The following TAFA1 variants were observed in gnomAD, a reference collection of about 807,000 sequenced individuals.
TAFA1 encodes the protein TAFA chemokine like family member 1.
Under a neutral mutation model 18.5 loss-of-function variants are expected in TAFA1, and 4 were observed. The observed-to-expected ratio is 0.22, with a 90% CI of 0.11 to 0.49. The LOEUF (loss-of-function observed/expected upper bound fraction) is 0.49. Among genes scored for constraint, TAFA1 ranks in the 20% least tolerant of loss-of-function variants. TAFA1 has a pLI of 0.98. For missense variants in TAFA1, 147 were observed against 169.0 expected, an observed-to-expected ratio of 0.87 and a Z score of 0.72; for synonymous variants, 56 against 55.2, an observed-to-expected ratio of 1.01 and a Z score of -0.06.
Position 68,080,703 on chromosome 3 carries a change from C to T in TAFA1, c.118+73959C>T, listed in dbSNP as rs539378827. 2.0e-5 allele frequency among the ~76,000 whole-genome samples: 3 copies of T among 152,208 alleles called. No individual in the cohort carries two copies. The South Asian group carries it at 6.2e-4, about 32-fold the overall frequency. Reference sequence around the variant, plus strand: ...GATCTGCTGTTAGTCTGATGGCTTCCCTTTGAGGGTAACCTGACCTTTCTC... The same window carrying T: ...GATCTGCTGTTAGTCTGATGGCTTCTCTTTGAGGGTAACCTGACCTTTCTC... On this transcript the variant is annotated intron_variant, in intron 2 of 4. Coordinates refer to ENST00000478136, the MANE Select transcript of TAFA1 (RefSeq NM_213609.4).
intron 2 of TAFA1, among the ~76,000 whole-genome samples, chr3:68,053,919 G>T (rs1335548754): frequency 6.6e-6 from 1 of 151,988 alleles, no homozygotes; most frequent in Non-Finnish European, 1.5e-5. Flanking sequence ...TGCCCAGGCT[G>T]ATCTTGAACT....
At position 68,334,722 on chromosome 3, in the gene TAFA1, A is replaced by G. The variant is rs144136117; in HGVS notation, c.119-82558A>G. Among the ~76,000 whole-genome samples, 233 of 152,202 alleles carry G rather than the reference A, an allele frequency of 1.5e-3. 2 individuals are homozygous for G. The South Asian group carries it at 0.027, about 18-fold the overall frequency. On this transcript the variant is annotated intron_variant, in intron 2 of 4. Coordinates refer to ENST00000478136, the MANE Select transcript of TAFA1 (RefSeq NM_213609.4). ...CCCAGCGTTTTGACACTCGTGCTATATGTCTCACTCATGTTACATGTCTGA... is the reference window on the plus strand; with the variant it reads ...CCCAGCGTTTTGACACTCGTGCTATGTGTCTCACTCATGTTACATGTCTGA...
At chr3:68,298,509 CA>C in intron 2 of TAFA1, among the ~76,000 whole-genome samples, 1 of 152,194 alleles carries the variant, frequency 6.6e-6, no homozygotes, top group East Asian at 1.9e-4. Context: ...GGGACAAAAA[CA>C]CTTATATGGT....
intron 2 of TAFA1, among the ~76,000 whole-genome samples, chr3:68,302,762 C>T (rs1180632749): frequency 6.6e-6 from 1 of 152,112 alleles, no homozygotes; most frequent in South Asian, 2.1e-4. Flanking sequence ...AATGCTCATC[C>T]CCACTTGGAC....
At chr3:68,428,748 C>T (rs1029515898) in intron 3 of TAFA1, among the ~76,000 whole-genome samples, 1 of 151,884 alleles carries the variant, frequency 6.6e-6, no homozygotes, top group Non-Finnish European at 1.5e-5. Flanking sequence ...ATTTATATTA[C>T]TTAGGCTTAT....
chr3:68,338,315 C>T (rs2069012132), intron 2 of TAFA1, among the ~76,000 whole-genome samples: 2 of 152,210 alleles, frequency 1.3e-5, no homozygotes, highest in Non-Finnish European at 2.9e-5. Flanking sequence ...CTATGTTCTA[C>T]AGTCAGTACT....
At chr3:68,182,602 GAACAACATCC>G (rs372970519) in intron 2 of TAFA1, among the ~76,000 whole-genome samples, 29 of 152,160 alleles carry the variant, frequency 1.9e-4, no homozygotes, top group African/African-American at 6.7e-4. Flanking sequence ...ACATTAACAT[GAACAACATCC>G]AACACCCCTT....
intron 2 of TAFA1, among the ~76,000 whole-genome samples, chr3:68,208,196 T>C (rs1402313486): frequency 2.0e-5 from 3 of 151,966 alleles, no homozygotes; most frequent in African/African-American, 7.2e-5. Context: ...CTGCCTATGA[T>C]CCATGCACCA....
chr3:68,455,072 C>T (rs549838311), intron 3 of TAFA1, among the ~76,000 whole-genome samples: 49 of 152,080 alleles, frequency 3.2e-4, no homozygotes, highest in Non-Finnish European at 5.4e-4. Context: ...ACACTGTTTT[C>T]TTACAATCAA....
chr3:68,274,769 C>T (rs1467082397), intron 2 of TAFA1, among the ~76,000 whole-genome samples: 1 of 152,194 alleles, frequency 6.6e-6, no homozygotes, highest in Non-Finnish European at 1.5e-5. Context: ...TATCATTAGC[C>T]TTACTCAGAA....
intron 3 of TAFA1, among the ~76,000 whole-genome samples, chr3:68,433,871 G>C (rs1351841162): frequency 6.6e-6 from 1 of 152,068 alleles, no homozygotes; most frequent in Non-Finnish European, 1.5e-5. Context: ...AGATTTGGTG[G>C]GCCATCTCTT....
the TAFA1 span, among the ~76,000 whole-genome samples, chr3:67,992,855 A>G: frequency 4.0e-4 from 61 of 152,276 alleles, no homozygotes; most frequent in African/African-American, 1.4e-3. Flanking sequence ...AAAAGTAGCC[A>G]CCACTATAAA....
intron 2 of TAFA1, among the ~76,000 whole-genome samples, chr3:68,261,793 C>T (rs886664856): frequency 3.3e-5 from 5 of 152,006 alleles, no homozygotes; most frequent in Admixed American, 2.0e-4. Flanking sequence ...GGAGGGATAG[C>T]ATTAGGAGAT....
chr3:68,053,314 A>G (rs1212233419), intron 2 of TAFA1, among the ~76,000 whole-genome samples: 1 of 152,056 alleles, frequency 6.6e-6, no homozygotes, highest in African/African-American at 2.4e-5. Flanking sequence ...ATGATTTTTT[A>G]ATTTTACTCC....
intron 3 of TAFA1, among the ~76,000 whole-genome samples, chr3:68,482,995 A>C (rs1336279240): frequency 6.6e-6 from 1 of 152,208 alleles, no homozygotes; most frequent in Non-Finnish European, 1.5e-5. Context: ...AGTTGGGGTC[A>C]GTTCTGTTGT....
chr3:68,121,413 G>C (rs2065397178), intron 2 of TAFA1, among the ~76,000 whole-genome samples: 1 of 152,058 alleles, frequency 6.6e-6, no homozygotes, highest in Non-Finnish European at 1.5e-5. Context: ...AACCCTGGCA[G>C]AACTCATTAT....
At chr3:68,322,856 T>A (rs1251609099) in intron 2 of TAFA1, among the ~76,000 whole-genome samples, 2 of 152,000 alleles carry the variant, frequency 1.3e-5, no homozygotes, top group African/African-American at 2.4e-5. Flanking sequence ...GACAGAAGAA[T>A]CTCTTGAACC....
chr3:68,419,571 A>C (rs2070915574), intron 3 of TAFA1, among the ~76,000 whole-genome samples: 2 of 152,182 alleles, frequency 1.3e-5, no homozygotes, highest in Non-Finnish European at 2.9e-5. Context: ...AGCTGGGTGT[A>C]AGTTGATTTT....
chr3:68,030,266 A>AT (rs921387326), intron 2 of TAFA1, among the ~76,000 whole-genome samples: 39 of 150,496 alleles, frequency 2.6e-4, no homozygotes, highest in East Asian at 1.6e-3. Flanking sequence ...CACTTGATGG[A>AT]TTTTTTTTTT....
Sources: allele counts gnomAD v4.1 joint callset (sites outside exome capture counted in the v4.1 genomes callset), GRCh38; gene constraint gnomAD v4.1.1; transcripts MANE v1.5; gene names NCBI Gene and HGNC (gene_info 2026-07-23, HGNC 2026-07-21).